SPRED1: variants seen among roughly 807,000 people sequenced by gnomAD.
The protein encoded by SPRED1 is sprouty related EVH1 domain containing 1, also known as sprouty-related, EVH1 domain-containing protein 1.
Under a neutral mutation model 52.3 loss-of-function variants are expected in SPRED1, and 18 were observed. The observed-to-expected ratio is 0.34, with a 90% CI of 0.24 to 0.51. The LOEUF (loss-of-function observed/expected upper bound fraction) is 0.51, where lower values mean the gene tolerates loss of function less well. Among genes scored for constraint, SPRED1 ranks in the 20% least tolerant of loss-of-function variants. The pLI, the probability that SPRED1 is intolerant of heterozygous loss-of-function variation, is 0.97. For missense variants in SPRED1, 485 were observed against 551.0 expected (o/e 0.88, Z 1.20); for synonymous variants, 155 against 179.7 (o/e 0.86, Z 1.10).
chr15:38,285,004 CCT>C (rs1364929842), intron 1 of SPRED1, among the ~76,000 whole-genome samples: 5 of 152,054 alleles, frequency 3.3e-5, no homozygotes, highest in Admixed American at 6.6e-5. Context: ...GAGAAGCCTT[CCT>C]CTGTTTCACC....
chr15:38,291,770 C>G (rs1468271127), intron 1 of SPRED1, among the ~76,000 whole-genome samples: 1 of 152,152 alleles, frequency 6.6e-6, no homozygotes, highest in Non-Finnish European at 1.5e-5. Flanking sequence ...ACACACAGCA[C>G]AGGGACAGTG....
rs1396100978 is a variant in SPRED1 at position 38,354,727 on chromosome 15, C to T, written c.*3063C>T. 2.0e-5 allele frequency: 3 copies of T among 152,096 alleles called. No individual in the cohort carries two copies. Among genetic ancestry groups the T allele is most frequent in the Admixed American group, 2.0e-4 (3 of 15,272 alleles). 9.4% of individuals were successfully genotyped at this position (152,096 alleles called of 1,614,324 possible). A position where few individuals can be genotyped will look rare whatever the true frequency, so the allele number is the denominator to read the frequency against. ...TTTTAAGCACTTTTTTCTTACATAT[C>T]CTGTTTTAAAATATTTGTTGATATT... On this transcript the variant is annotated 3_prime_UTR_variant, in exon 7 of 7. Transcript: ENST00000299084.
chr15:38,322,469 T>C (rs1298263699), intron 3 of SPRED1, 60 bp downstream of exon 3: 1 of 1,570,894 alleles, frequency 6.4e-7, no homozygotes, highest in Non-Finnish European at 8.7e-7. Flanking sequence ...AGAGGTTATC[T>C]TTCTTAAAGT....
At chr15:38,339,234 C>T (rs532450384) in intron 4 of SPRED1, among the ~76,000 whole-genome samples, 7 of 152,160 alleles carry the variant, frequency 4.6e-5, no homozygotes, top group Middle Eastern at 3.4e-3. Flanking sequence ...TTAAATTCTA[C>T]GTAATCAGCA....
intron 1 of SPRED1, among the ~76,000 whole-genome samples, chr15:38,265,431 C>A (rs1894288258): frequency 2.0e-5 from 3 of 151,862 alleles, no homozygotes; most frequent in Admixed American, 2.0e-4. Flanking sequence ...GATTATTAAC[C>A]TACTAAGAAA....
chr15:38,304,389 G>T (rs1895209558), intron 2 of SPRED1, among the ~76,000 whole-genome samples: 2 of 152,150 alleles, frequency 1.3e-5, no homozygotes, highest in Non-Finnish European at 2.9e-5. Context: ...CTTCCTAGCA[G>T]TTTTGTTTCT....
chr15:38,341,030 C>T (rs1351906188), intron 5 of SPRED1, among the ~76,000 whole-genome samples: 2 of 118,316 alleles, frequency 1.7e-5, no homozygotes, highest in East Asian at 5.3e-4. Context: ...TTTTGAATTA[C>T]GGAATTAGTT....
chr15:38,356,037 GCTT>G lies in SPRED1; in HGVS notation c.*4377_*4379del, dbSNP rs1198661524. ...TAAATGTTAGCCATTATTCCTGAAA[GCTT>G]CTTAAATTGCATCAGTTGTTTTGAA... On this transcript the variant is annotated 3_prime_UTR_variant, in exon 7 of 7. Transcript: ENST00000299084. The G allele has an allele frequency of 6.6e-6, 1 of 152,150 alleles. No homozygotes were observed. The highest frequency in any genetic ancestry group is 1.5e-5 in the Non-Finnish European group (1 of 68,002). The allele number at this position is 152,150 out of a possible 1,614,324, so 9.4% of individuals were successfully genotyped here.
intron 2 of SPRED1, among the ~76,000 whole-genome samples, chr15:38,312,571 G>T (rs759755988): frequency 1.4e-4 from 21 of 152,026 alleles, no homozygotes; most frequent in Non-Finnish European, 2.2e-4. Flanking sequence ...TCTAGTCCTT[G>T]ATATATTTCC....
In SPRED1 at chr15:38,263,025, C is replaced by T. The variant is rs115048582; in HGVS notation, c.32+9808C>T. 8.0e-3 allele frequency among the ~76,000 whole-genome samples: 1,224 copies of T among 152,260 alleles called. 18 individuals are homozygous for T. The highest frequency in any genetic ancestry group is 0.028 in the African/African-American group (1,153 of 41,556). On this transcript the variant is annotated intron_variant, in intron 1 of 6. Transcript: ENST00000299084. ...TTGACTGGAGGGAGAAGAAAATGAA[C>T]TTCAGTTGATGAGGAAGAATGTAGT...
At chr15:38,332,350 G>C (rs558538180) in intron 4 of SPRED1, among the ~76,000 whole-genome samples, 2 of 152,130 alleles carry the variant, frequency 1.3e-5, no homozygotes, top group Non-Finnish European at 2.9e-5. Flanking sequence ...GAGATGGAAA[G>C]ACTGCTTGAG....
intron 1 of SPRED1, among the ~76,000 whole-genome samples, chr15:38,272,711 A>ATAATAATAGCCATTC (rs1202632275): frequency 6.6e-6 from 1 of 152,112 alleles, no homozygotes; most frequent in African/African-American, 2.4e-5. Flanking sequence ...TTTTAACTTT[A>ATAATAATAGCCATTC]TAATAATAGC....
chr15:38,270,110 G>C (rs1894400664), intron 1 of SPRED1, among the ~76,000 whole-genome samples: 1 of 151,958 alleles, frequency 6.6e-6, no homozygotes, highest in South Asian at 2.1e-4. Context: ...TTTCAACCAT[G>C]TTGGCCACGC....
intron 1 of SPRED1, 41 bp downstream of exon 1, chr15:38,253,258 C>A: frequency 6.4e-7 from 1 of 1,552,854 alleles, no homozygotes; most frequent in African/African-American, 1.4e-5. Context: ...CCCCCTCCCC[C>A]TATCCGCCCT....
At chr15:38,255,544 T>G (rs1894077288) in intron 1 of SPRED1, among the ~76,000 whole-genome samples, 1 of 152,206 alleles carries the variant, frequency 6.6e-6, no homozygotes, top group African/African-American at 2.4e-5. Context: ...CATCTGATAA[T>G]CAGTTTTACT....
intron 1 of SPRED1, among the ~76,000 whole-genome samples, chr15:38,278,403 A>G (rs1037552762): frequency 6.6e-6 from 1 of 152,142 alleles, no homozygotes; most frequent in African/African-American, 2.4e-5. Flanking sequence ...GGATTGCTTG[A>G]TCCTGGGAGC....
At chr15:38,319,111 AAACTAG>A (rs1895549448) in intron 2 of SPRED1, among the ~76,000 whole-genome samples, 1 of 152,110 alleles carries the variant, frequency 6.6e-6, no homozygotes, top group African/African-American at 2.4e-5. Context: ...ATATATTAAA[AAACTAG>A]AATCAAACTG....
Position 38,341,467 on chromosome 15 carries a change from T to G in SPRED1, c.582+1572T>G, listed in dbSNP as rs143267627. Among the ~76,000 whole-genome samples, 521 of 152,132 alleles carry G rather than the reference T, an allele frequency of 3.4e-3. 1 individual carries two copies. Among genetic ancestry groups the G allele is most frequent in the Non-Finnish European group, 4.2e-3 (286 of 67,964 alleles). ...GTATTTAAGGCTATAAATTTTCATT[T>G]AAGTACTCCTCTATCCACATTTTAC... On this transcript the variant is annotated intron_variant, in intron 5 of 6. Transcript: ENST00000299084.
At chr15:38,258,334 G>A (rs924676728) in intron 1 of SPRED1, among the ~76,000 whole-genome samples, 1 of 152,046 alleles carries the variant, frequency 6.6e-6, no homozygotes, top group Non-Finnish European at 1.5e-5. Context: ...GTAGCTTAAT[G>A]TGAATATTTT....
Sources: allele counts gnomAD v4.1 joint callset (sites outside exome capture counted in the v4.1 genomes callset), GRCh38; gene constraint gnomAD v4.1.1; transcripts MANE v1.5; gene names NCBI Gene and HGNC (gene_info 2026-07-23, HGNC 2026-07-21).